Variants in KCNT2 observed in about 807,000 individuals in gnomAD.
The protein encoded by KCNT2 is potassium channel subfamily T member 2.
KCNT2 carries 67 observed loss-of-function variants against 153.8 expected under a neutral mutation model. The observed-to-expected ratio is 0.44, with a 90% CI of 0.36 to 0.53. The LOEUF (loss-of-function observed/expected upper bound fraction) is 0.53. Among genes scored for constraint, KCNT2 ranks in the 20% least tolerant of loss-of-function variants. KCNT2 has a pLI of 0.00. For missense variants in KCNT2, 975 were observed against 1,354.8 expected (o/e 0.72, Z 4.40); for synonymous variants, 500 against 458.8 (o/e 1.09, Z -1.15).
intron 14 of KCNT2, among the ~76,000 whole-genome samples, chr1:196,345,405 C>T (rs962105405): frequency 2.2e-4 from 33 of 152,028 alleles, no homozygotes; most frequent in Admixed American, 1.2e-3. Flanking sequence ...ACAGTTAATG[C>T]TTGATGCGGC....
At chr1:196,235,862 A>C in intron 27 of KCNT2, 124 bp downstream of exon 27, 1 of 553,610 alleles carries the variant, frequency 1.8e-6, no homozygotes, top group Non-Finnish European at 3.2e-6. Context: ...TTATAAAATT[A>C]GGTATAGACT....
chr1:196,412,752 T>G (rs542880135), intron 12 of KCNT2, among the ~76,000 whole-genome samples: 1 of 151,842 alleles, frequency 6.6e-6, no homozygotes, highest in African/African-American at 2.4e-5. Context: ...TGTAATCAAA[T>G]TGATCACTGG....
intron 1 of KCNT2, among the ~76,000 whole-genome samples, chr1:196,529,998 T>C (rs935841193): frequency 2.0e-5 from 3 of 151,988 alleles, no homozygotes; most frequent in East Asian, 1.9e-4. Context: ...CAGAAAAATA[T>C]GCAGCAATCA....
intron 8 of KCNT2, among the ~76,000 whole-genome samples, chr1:196,454,136 C>T (rs75082217): frequency 6.6e-6 from 1 of 151,890 alleles, no homozygotes; most frequent in African/African-American, 2.4e-5. Flanking sequence ...TCTCTGATGT[C>T]TATACATATT....
chr1:196,387,539 A>G (rs755030488), intron 13 of KCNT2, among the ~76,000 whole-genome samples: 2 of 151,716 alleles, frequency 1.3e-5, no homozygotes, highest in African/African-American at 2.4e-5. Context: ...CATCTTTCCC[A>G]CTAGAATGTA....
rs896823353 is a variant in KCNT2 at position 196,345,458 on chromosome 1, G to A, written c.1404-3230C>T. On this transcript the variant is annotated intron_variant, in intron 14 of 27. Coordinates refer to ENST00000294725, the MANE Select transcript of KCNT2 (RefSeq NM_198503.5). ...GCCAGTTTAGCTGGAATTCAGGGAGGGGGAGAAAATGGGGCCACAGAGGTA... is the reference window on the plus strand; with the variant it reads ...GCCAGTTTAGCTGGAATTCAGGGAGAGGGAGAAAATGGGGCCACAGAGGTA... 2.6e-5 allele frequency among the ~76,000 whole-genome samples: 4 copies of A among 152,232 alleles called. 1 individual carries two copies. The highest frequency in any genetic ancestry group is 9.6e-5 in the African/African-American group (4 of 41,566).
At chr1:196,343,737 C>A (rs1665884369) in intron 14 of KCNT2, among the ~76,000 whole-genome samples, 1 of 152,022 alleles carries the variant, frequency 6.6e-6, no homozygotes, top group Admixed American at 6.6e-5. Flanking sequence ...TGAGTCCCAA[C>A]TCTATAATCG....
At chr1:196,229,562 T>C (rs928260203) in intron 27 of KCNT2, among the ~76,000 whole-genome samples, 3 of 152,104 alleles carry the variant, frequency 2.0e-5, no homozygotes, top group African/African-American at 7.2e-5. Context: ...TCTCTCACTT[T>C]AAATCAAAAG....
chr1:196,356,302 T>A (rs1667171568), intron 14 of KCNT2, among the ~76,000 whole-genome samples: 1 of 151,780 alleles, frequency 6.6e-6, no homozygotes, highest in Non-Finnish European at 1.5e-5. Context: ...GCACTTAGTC[T>A]GAGTAATTGT....
At chr1:196,492,227 T>C in intron 2 of KCNT2, 35 bp downstream of exon 2, 1 of 1,378,910 alleles carries the variant, frequency 7.3e-7, no homozygotes, top group Non-Finnish European at 9.5e-7. Flanking sequence ...AGTAAATATA[T>C]GTACGAACAG....
intron 1 of KCNT2, among the ~76,000 whole-genome samples, chr1:196,552,365 G>C (rs1189319983): frequency 6.6e-6 from 1 of 151,118 alleles, no homozygotes; most frequent in Non-Finnish European, 1.5e-5. Flanking sequence ...TTATAATAGT[G>C]CATGAAAACT....
intron 22 of KCNT2, among the ~76,000 whole-genome samples, chr1:196,296,897 G>A (rs927040307): frequency 4.0e-5 from 6 of 151,802 alleles, no homozygotes; most frequent in Non-Finnish European, 7.4e-5. Flanking sequence ...AAATAGTGAT[G>A]GACATACTTA....
intron 14 of KCNT2, among the ~76,000 whole-genome samples, chr1:196,362,400 G>C (rs1272704056): frequency 6.6e-6 from 1 of 152,072 alleles, no homozygotes; most frequent in Non-Finnish European, 1.5e-5. Context: ...GATTCTGGAT[G>C]CCGGAGCATG....
At chr1:196,327,668 C>CTT (rs773639795) in intron 18 of KCNT2, among the ~76,000 whole-genome samples, 16 of 127,882 alleles carry the variant, frequency 1.3e-4, no homozygotes, top group South Asian at 9.4e-4. Flanking sequence ...ATATTCTGAT[C>CTT]TTTTTTTTTT....
intron 6 of KCNT2, among the ~76,000 whole-genome samples, 175 bp from the exon 7 acceptor site, chr1:196,467,961 CA>C (rs1467520844): frequency 6.6e-6 from 1 of 152,058 alleles, no homozygotes; most frequent in Non-Finnish European, 1.5e-5. Flanking sequence ...TTCTTTCATT[CA>C]TTGTCTAAAT....
At chr1:196,265,796 G>A (rs1051161244) in intron 25 of KCNT2, among the ~76,000 whole-genome samples, 1 of 152,114 alleles carries the variant, frequency 6.6e-6, no homozygotes, top group Non-Finnish European at 1.5e-5. Context: ...CACAGTTATA[G>A]AGAAAAGCAA....
intron 1 of KCNT2, among the ~76,000 whole-genome samples, chr1:196,523,578 CA>C (rs2148828051): frequency 6.6e-6 from 1 of 152,256 alleles, no homozygotes; most frequent in African/African-American, 2.4e-5. Context: ...AAGATGTCTG[CA>C]ACTGCTCCAG....
At chr1:196,368,225 A>G (rs1218168462) in intron 14 of KCNT2, among the ~76,000 whole-genome samples, 1 of 152,192 alleles carries the variant, frequency 6.6e-6, no homozygotes, top group Non-Finnish European at 1.5e-5. Flanking sequence ...CTCACCCATT[A>G]CTTCCTAAGG....
intron 5 of KCNT2, 78 bp from the exon 6 acceptor site, chr1:196,469,146 A>G: frequency 2.6e-6 from 2 of 783,434 alleles, no homozygotes; most frequent in Non-Finnish European, 4.4e-6. Context: ...AGCACTTAGA[A>G]TTTCTCTAGC....
Sources: gnomAD v4.1 joint callset for allele counts (sites outside exome capture counted in the v4.1 genomes callset) on GRCh38, gnomAD v4.1.1 for gene constraint, MANE v1.5 for transcripts, NCBI Gene and HGNC (gene_info 2026-07-23, HGNC 2026-07-21) for gene names.